The following LRGUK variants were observed in gnomAD, a reference collection of about 807,000 sequenced individuals.
LRGUK encodes leucine rich repeats and guanylate kinase domain containing, also known as leucine-rich repeat and guanylate kinase domain-containing protein.
Under a neutral mutation model 76.0 loss-of-function variants are expected in LRGUK, and 65 were observed. That is an observed-to-expected ratio of 0.85 (90% CI 0.70 to 1.05). The LOEUF (loss-of-function observed/expected upper bound fraction) is 1.05, where lower values mean the gene tolerates loss of function less well. Ranked by LOEUF, LRGUK falls within the 50% of genes least tolerant of loss-of-function variation. The pLI, the probability that LRGUK is intolerant of heterozygous loss-of-function variation, is 0.00. For synonymous variants in LRGUK, 268 were observed against 265.6 expected (o/e 1.01, Z -0.09); for missense variants, 758 against 732.8 (o/e 1.03, Z -0.40).
At chr7:134,132,288 A>G (rs1322071207) in intron 1 of LRGUK, among the ~76,000 whole-genome samples, 1 of 152,156 alleles carries the variant, frequency 6.6e-6, no homozygotes, top group African/African-American at 2.4e-5. Context: ...CCAGGAGTTC[A>G]AGGCTGCAGT....
chr7:134,195,677 C>A (rs926921186), intron 12 of LRGUK, among the ~76,000 whole-genome samples: 13 of 151,972 alleles, frequency 8.6e-5, no homozygotes, highest in Admixed American at 7.9e-4. Flanking sequence ...TAATACTAAC[C>A]AGCAGATGCA....
chr7:134,134,066 A>AT (rs1403329839), intron 1 of LRGUK, among the ~76,000 whole-genome samples: 1 of 151,988 alleles, frequency 6.6e-6, no homozygotes, highest in Non-Finnish European at 1.5e-5. Context: ...TGCCTAAAAA[A>AT]AAAAGAAAAA....
intron 6 of LRGUK, among the ~76,000 whole-genome samples, chr7:134,159,507 C>G (rs571100010): frequency 5.3e-5 from 8 of 152,044 alleles, no homozygotes; most frequent in Non-Finnish European, 8.8e-5. Context: ...AAAACTCTTC[C>G]AGGCTGGGCG....
chr7:134,191,506 C>G lies in LRGUK; in HGVS notation c.1335-149C>G, dbSNP rs550071764. 4.7e-6 allele frequency: 3 copies of G among 633,642 alleles called. No individual in the cohort carries two copies. In the African/African-American group the frequency reaches 5.7e-5, roughly 12 times the overall value. 39.3% of individuals were successfully genotyped at this position (633,642 alleles called of 1,614,324 possible). On this transcript the variant is annotated intron_variant, in intron 11 of 15. Transcript: ENST00000645682. ...AGCAACTGAATATAATTTAGCACTTCGAAACCAACATATTCTTACAACTGT... is the reference window on the plus strand; with the variant it reads ...AGCAACTGAATATAATTTAGCACTTGGAAACCAACATATTCTTACAACTGT...
chr7:134,183,614 T>C (rs1221891051), intron 10 of LRGUK, 120 bp from the exon 11 acceptor site: 2 of 966,150 alleles, frequency 2.1e-6, no homozygotes. Flanking sequence ...ACTATTCTTC[T>C]ACGCAGGGTC....
chr7:134,201,503 A>C, exon 15 of LRGUK: 6 of 1,614,000 alleles, frequency 3.7e-6, no homozygotes, highest in Non-Finnish European at 5.1e-6. Flanking sequence ...TTGCCTACCA[A>C]AAACTGAGTC....
At chr7:134,132,999 AACGGGAGACCGTT>A (rs1797376160) in intron 1 of LRGUK, among the ~76,000 whole-genome samples, 1 of 152,212 alleles carries the variant, frequency 6.6e-6, no homozygotes. Flanking sequence ...GCTGATGAAG[AACGGGAGACCGTT>A]CATAGCAAAG....
At chr7:134,157,148 G>T (rs774767403) in intron 5 of LRGUK, among the ~76,000 whole-genome samples, 3 of 152,222 alleles carry the variant, frequency 2.0e-5, no homozygotes, top group Non-Finnish European at 2.9e-5. Context: ...GATGAAGAAA[G>T]TAAGGCAGAG....
intron 19 of LRGUK, among the ~76,000 whole-genome samples, chr7:134,263,371 A>G (rs1225076860): frequency 2.1e-5 from 2 of 93,032 alleles, no homozygotes; most frequent in East Asian, 4.5e-4. Context: ...GAGGGCATTA[A>G]ATGAAGCTTC....
the LRGUK span, among the ~76,000 whole-genome samples, chr7:134,274,828 T>C: frequency 6.6e-6 from 1 of 152,188 alleles, no homozygotes; most frequent in African/African-American, 2.4e-5. Context: ...ACCTATCATT[T>C]CAATCTTATC....
chr7:134,198,231 C>A (rs929797976), intron 13 of LRGUK, among the ~76,000 whole-genome samples: 7 of 152,136 alleles, frequency 4.6e-5, no homozygotes, highest in African/African-American at 1.4e-4. Flanking sequence ...AATAAAAGGT[C>A]TTTTCTAAAA....
At chr7:134,239,751 C>T (rs964105569) in intron 16 of LRGUK, among the ~76,000 whole-genome samples, 2 of 152,216 alleles carry the variant, frequency 1.3e-5, no homozygotes, top group African/African-American at 2.4e-5. Flanking sequence ...AGACTGCCTC[C>T]TCAAGTGGGT....
chr7:134,185,299 GC>G (rs1799938722), intron 11 of LRGUK, among the ~76,000 whole-genome samples: 1 of 152,022 alleles, frequency 6.6e-6, no homozygotes, highest in Admixed American at 6.6e-5. Flanking sequence ...AGTGGCTCAC[GC>G]TTCTAATCCC....
At chr7:134,229,317 C>T (rs866996073) in intron 16 of LRGUK, among the ~76,000 whole-genome samples, 24 of 151,732 alleles carry the variant, frequency 1.6e-4, no homozygotes, top group Non-Finnish European at 2.8e-4. Context: ...GAGCTGAGAT[C>T]GCGCCACTGC....
exon 1 of LRGUK, chr7:134,127,657 A>G (rs981341522): frequency 8.7e-6 from 14 of 1,612,238 alleles, no homozygotes; most frequent in African/African-American, 8.0e-5. Flanking sequence ...GAAATGCTGA[A>G]TTTGGAGGTG....
intron 5 of LRGUK, among the ~76,000 whole-genome samples, chr7:134,148,612 G>T (rs1401976019): frequency 6.6e-6 from 1 of 152,128 alleles, no homozygotes; most frequent in African/African-American, 2.4e-5. Flanking sequence ...TAGAACCAGA[G>T]AAGAAGTTCT....
chr7:134,193,414 T>G (rs1159036234), intron 12 of LRGUK, among the ~76,000 whole-genome samples: 1 of 152,186 alleles, frequency 6.6e-6, no homozygotes, highest in Non-Finnish European at 1.5e-5. Flanking sequence ...CGTCAGTTCA[T>G]CTGTTCTCAG....
intron 15 of LRGUK, among the ~76,000 whole-genome samples, chr7:134,206,369 G>A (rs760448929): frequency 2.0e-5 from 3 of 152,080 alleles, no homozygotes; most frequent in Non-Finnish European, 4.4e-5. Context: ...ACAAAAATTA[G>A]CTGGGCGTGG....
At chr7:134,161,118 T>A (rs1427771844) in intron 6 of LRGUK, among the ~76,000 whole-genome samples, 1 of 152,194 alleles carries the variant, frequency 6.6e-6, no homozygotes, top group African/African-American at 2.4e-5. Flanking sequence ...CTACCACACC[T>A]AAGGGACTTC....
Sources: gnomAD v4.1 joint callset for allele counts (sites outside exome capture counted in the v4.1 genomes callset) on GRCh38, gnomAD v4.1.1 for gene constraint, MANE v1.5 for transcripts, NCBI Gene and HGNC (gene_info 2026-07-23, HGNC 2026-07-21) for gene names.